Variants in TUBGCP6 observed in about 807,000 individuals in gnomAD.
TUBGCP6 encodes the protein gamma-tubulin complex component 6.
Under a neutral mutation model 175.8 loss-of-function variants are expected in TUBGCP6, and 161 were observed. The observed-to-expected ratio is 0.92, with a 90% CI of 0.81 to 1.04. TUBGCP6 has a LOEUF of 1.04. Ranked by LOEUF, TUBGCP6 falls within the 50% of genes least tolerant of loss-of-function variation. The pLI, the probability that TUBGCP6 is intolerant of heterozygous loss-of-function variation, is 0.00. For missense variants in TUBGCP6, 2,572 were observed against 2,433.0 expected (o/e 1.06, Z -1.20); for synonymous variants, 1,173 against 1,030.5 (o/e 1.14, Z -2.65).
rs1358430231 is a variant in TUBGCP6 at position 50,221,569 on chromosome 22, G to A, written c.2790C>T (p.Pro930=). 6.3e-7 allele frequency: 1 copy of A among 1,586,708 alleles called. No homozygotes were observed. The highest frequency in any genetic ancestry group is 2.3e-5 in the East Asian group (1 of 44,364). ...CGGGTGCCTCCCCAGGAGCTGAGGG[G>A]GGCAGGTCCAAGTTAATGGTCTGCA... ...VALQTINLDL[P]PSAPGEAPAA... is the part of the protein sequence containing the mutation. The change falls in exon 16 of 25, where the codon CCC becomes CCT. Residue 930 remains proline (P), a synonymous_variant. Transcript: ENST00000248846.
intron 10 of TUBGCP6, among the ~76,000 whole-genome samples, 182 bp downstream of exon 10, chr22:50,225,612 C>T (rs980333087): frequency 4.3e-5 from 3 of 69,272 alleles, no homozygotes; most frequent in African/African-American, 2.4e-4. Flanking sequence ...CTCAACTCCC[C>T]GTTGACACCC....
chr22:50,219,450 G>T lies in TUBGCP6; in HGVS notation c.4322C>A (p.Pro1441Gln). The T allele has an allele frequency of 6.3e-7, 1 of 1,577,694 alleles. No homozygotes were observed. Among genetic ancestry groups the T allele is most frequent in the Non-Finnish European group, 8.6e-7 (1 of 1,163,102 alleles). The part of the protein sequence containing the change: ...YPDSYESMSE[P>Q]PIAHLLRPVL... ...GGGGCGCAAAAGATGAGCAATGGGC[G>T]GCTCGGCTGCGGGAGATGGAGCACG... is the stretch of plus-strand genomic sequence containing the variant. Residue 1441 changes from proline to glutamine, a missense_variant, in exon 19 of 25, where the codon CCG becomes CAG. Transcript: ENST00000248846.
In TUBGCP6 at chr22:50,218,173, G is replaced by A. The variant is rs1160799213; in HGVS notation, c.5168+16C>T. The A allele has an allele frequency of 6.8e-6, 11 of 1,609,656 alleles. No individual in the cohort carries two copies. Among genetic ancestry groups the A allele is most frequent in the South Asian group, 1.1e-5 (1 of 91,054 alleles). ...GAGCCGTGACCACAGGGACGCAGCC[G>A]CTGCCCAGGCCTCACCTGAAGACGG... On this transcript the variant is annotated intron_variant, in intron 23 of 24. Coordinates refer to ENST00000248846, the MANE Select transcript of TUBGCP6 (RefSeq NM_020461.4).
chr22:50,219,135 A>G lies in TUBGCP6; in HGVS notation c.4559T>C (p.Leu1520Pro). The G allele has an allele frequency of 6.2e-7, 1 of 1,613,062 alleles. No homozygotes were observed. The highest frequency in any genetic ancestry group is 8.5e-7 in the Non-Finnish European group (1 of 1,179,974). ...GTCCTCCATCAGCAGGAAGTGCCGC[A>G]GTGCCTCATAGTGCGCCTCCAGGTG... ...ELHLEAHYEALRHFLLMEDGE... is the reference protein window; with the variant it reads ...ELHLEAHYEAPRHFLLMEDGE... Residue 1520 changes from leucine (L) to proline (P), a missense_variant, in exon 20 of 25, where the codon CTG (leucine) becomes CCG (proline). Leu to Pro is a moderately conservative substitution (Grantham distance 98). Transcript: ENST00000248846.
chr22:50,244,286 C>G lies in TUBGCP6; in HGVS notation c.174G>C (p.Gln58His). 6.2e-7 allele frequency: 1 copy of G among 1,613,672 alleles called. No individual in the cohort carries two copies. The highest frequency in any genetic ancestry group is 8.5e-7 in the Non-Finnish European group (1 of 1,180,046). ...TCGCTGGTAGTTTTGACATGTCAGG[C>G]TGCAGCTGTTGAGTCTCATCTTGAA... ...NLFQDETQQL[Q>H]PDMSKLPARN... The change falls in exon 1 of 25, where the codon CAG becomes CAC. Residue 58 changes from glutamine (Q) to histidine (H), a missense_variant. Physicochemically the swap from Gln to His is conservative, Grantham distance 24. Transcript: ENST00000248846.
chr22:50,220,162 C>T (rs762786529), intron 16 of TUBGCP6, 89 bp downstream of exon 16: 3 of 1,547,962 alleles, frequency 1.9e-6, no homozygotes, highest in Admixed American at 1.8e-5. Context: ...AGGGGAACTT[C>T]ACATGCCACC....
chr22:50,219,855 C>T (rs1452802366), intron 17 of TUBGCP6, 64 bp from the exon 18 acceptor site: 17 of 1,602,518 alleles, frequency 1.1e-5, no homozygotes, highest in Non-Finnish European at 1.1e-5. Flanking sequence ...CCAGCTTGTG[C>T]CAAAAAAAGG....
intron 2 of TUBGCP6, among the ~76,000 whole-genome samples, chr22:50,234,847 C>G (rs936858394): frequency 6.7e-6 from 1 of 149,502 alleles, no homozygotes; most frequent in East Asian, 2.0e-4. Context: ...CACCCACACC[C>G]CTGTCCCTGG....
Position 50,233,352 on chromosome 22 carries a change from C to T in TUBGCP6, c.1080G>A (p.Leu360=), listed in dbSNP as rs565592866. The change falls in exon 3 of 25, where the codon TTG becomes TTA. Residue 360 remains leucine, a synonymous_variant. Transcript: ENST00000248846. ...CELVKDVLNV[L]IGVVSATFSL... ...AAAACGTGGCAGACACGACCCCAAT[C>T]AAGACGTTCAGCACGTCTTTCACCA... 1.2e-6 allele frequency: 2 copies of T among 1,613,958 alleles called. No individual in the cohort carries two copies. Among genetic ancestry groups the T allele is most frequent in the South Asian group, 1.1e-5 (1 of 91,070 alleles).
chr22:50,224,246 G>A lies in TUBGCP6; in HGVS notation c.2165C>T (p.Ala722Val), dbSNP rs376316972. The A allele has an allele frequency of 7.4e-6, 12 of 1,613,974 alleles. No individual in the cohort carries two copies. The highest frequency in any genetic ancestry group is 1.6e-4 in the Middle Eastern group (1 of 6,084). Residue 722 changes from alanine to valine, a missense_variant, in exon 13 of 25, where the codon GCG (alanine) becomes GTG (valine). By Grantham distance (64) the Ala-to-Val change is moderately conservative (BLOSUM62 0). Transcript: ENST00000248846. Reference sequence around the variant, plus strand: ...ATCATCCAGCTCCTCCTGCCTGGCCGCCTGGCGTCGCTATAAAACACATAG... The same window carrying A: ...ATCATCCAGCTCCTCCTGCCTGGCCACCTGGCGTCGCTATAAAACACATAG... ...QFVKDQERRQ[A>V]ARQEELDDDF...
Position 50,226,934 on chromosome 22 carries a change from G to A in TUBGCP6, c.1491+65C>T, listed in dbSNP as rs536726967. 14 of 1,569,640 alleles carry A rather than the reference G, an allele frequency of 8.9e-6. No individual in the cohort carries two copies. The African/African-American group carries it at 9.4e-5, about 11-fold the overall frequency. ...GCCGGCAGCAGCCCTCCAGGGACAC[G>A]CTCAGCCACCCCCGTTTCCTGGAGC... On this transcript the variant is annotated intron_variant, in intron 6 of 24. Transcript: ENST00000248846.
intron 3 of TUBGCP6, among the ~76,000 whole-genome samples, chr22:50,232,573 G>A (rs914412023): frequency 1.2e-4 from 18 of 151,572 alleles, no homozygotes; most frequent in Admixed American, 9.9e-4. Context: ...AAAAAAGAGA[G>A]TCAGGGTTGG....
chr22:50,218,769 C>T lies in TUBGCP6; in HGVS notation c.4755G>A (p.Lys1585=). 1 of 1,614,058 alleles carries T rather than the reference C, an allele frequency of 6.2e-7. No homozygotes were observed. The highest frequency in any genetic ancestry group is 8.5e-7 in the Non-Finnish European group (1 of 1,180,000). Reference sequence around the variant, plus strand: ...TGGGGGCAAACACCTCGGGCAGGTACTTGAGAGCGAGGGAGAGGTTGGAGG... The same window carrying T: ...TGGGGGCAAACACCTCGGGCAGGTATTTGAGAGCGAGGGAGAGGTTGGAGG... ...PHASNLSLAL[K]YLPEVFAPNA... is the part of the protein sequence containing the mutation. The change falls in exon 21 of 25, where the codon AAG becomes AAA. Residue 1585 remains lysine, a synonymous_variant. Transcript: ENST00000248846.
intron 3 of TUBGCP6, among the ~76,000 whole-genome samples, chr22:50,232,917 G>A (rs1203261778): frequency 6.6e-6 from 1 of 152,194 alleles, no homozygotes; most frequent in African/African-American, 2.4e-5. Flanking sequence ...CCCCATCCCG[G>A]ATGACACCGC....
chr22:50,220,241 C>A lies in TUBGCP6; in HGVS notation c.4108+10G>T. The A allele has an allele frequency of 6.5e-7, 1 of 1,546,252 alleles. No homozygotes were observed. Among genetic ancestry groups the A allele is most frequent in the South Asian group, 1.2e-5 (1 of 80,934 alleles). ...GTCCCACTCCTGACCACCAGCCACC[C>A]TACTCTGACCTAGTTCTTCAGAGAC... is the stretch of plus-strand genomic sequence containing the variant. On this transcript the variant is annotated intron_variant, in intron 16 of 24. Coordinates refer to ENST00000248846, the MANE Select transcript of TUBGCP6 (RefSeq NM_020461.4).
At position 50,219,271 on chromosome 22, in the gene TUBGCP6, G is replaced by A. The variant is rs2064473172; in HGVS notation, c.4484+17C>T. On this transcript the variant is annotated intron_variant, in intron 19 of 24. Transcript: ENST00000248846. ...CGGGCTGGGTGGGCAGACTGGCGCA[G>A]GGGCAGGGGCACTCACTGGGCGGCC... The A allele has an allele frequency of 1.2e-6, 2 of 1,606,008 alleles. No individual in the cohort carries two copies.
At position 50,222,442 on chromosome 22, in the gene TUBGCP6, C is replaced by T. The variant is rs1282438267; in HGVS notation, c.2409+12G>A. 2 of 1,613,326 alleles carry T rather than the reference C, an allele frequency of 1.2e-6. No individual in the cohort carries two copies. Among genetic ancestry groups the T allele is most frequent in the Admixed American group, 1.7e-5 (1 of 60,022 alleles). On this transcript the variant is annotated intron_variant, in intron 14 of 24. Transcript: ENST00000248846. ...CCAGGGGAAGAGCTGCCATCTGAAG[C>T]CGCAGACATACCTGAATGTGTTTCT...
Position 50,240,208 on chromosome 22 carries a change from C to T in TUBGCP6, c.901G>A (p.Gly301Ser). 6.2e-7 allele frequency: 1 copy of T among 1,613,716 alleles called. No individual in the cohort carries two copies. Among genetic ancestry groups the T allele is most frequent in the Non-Finnish European group, 8.5e-7 (1 of 1,180,020 alleles). ...AAGGCAAAGAAGGGCACACACCAGC[C>T]AACTCGCTCCCAGCACCTCCGCTTG... The part of the protein sequence containing the change: ...ASKRRCWERV[G>S]CPPGHREEPY... The change falls in exon 2 of 25, where the codon GGC (glycine) becomes AGC (serine). Residue 301 changes from glycine (G) to serine (S), a missense_variant. Coordinates refer to ENST00000248846, the MANE Select transcript of TUBGCP6 (RefSeq NM_020461.4).
chr22:50,242,287 G>A (rs1263226923), intron 1 of TUBGCP6, among the ~76,000 whole-genome samples: 2 of 149,634 alleles, frequency 1.3e-5, no homozygotes, highest in East Asian at 3.9e-4. Context: ...GCGAGACTGT[G>A]TCAAAAAAAA....
Sources: gnomAD v4.1 joint callset for allele counts (sites outside exome capture counted in the v4.1 genomes callset) on GRCh38, gnomAD v4.1.1 for gene constraint, MANE v1.5 for transcripts, NCBI Gene and HGNC (gene_info 2026-07-23, HGNC 2026-07-21) for gene names.